The following PPP1R9A variants were observed in gnomAD, a reference collection of about 807,000 sequenced individuals.
The protein encoded by PPP1R9A is protein phosphatase 1 regulatory subunit 9A.
PPP1R9A carries 59 observed loss-of-function variants against 141.9 expected under a neutral mutation model. That is an observed-to-expected ratio of 0.42 (90% confidence interval 0.34 to 0.52). The LOEUF (loss-of-function observed/expected upper bound fraction) is 0.52. Ranked by LOEUF, PPP1R9A falls within the 20% of genes least tolerant of loss-of-function variation. PPP1R9A has a pLI of 0.10. For synonymous variants in PPP1R9A, 500 were observed against 569.7 expected, an observed-to-expected ratio of 0.88 and a Z score of 1.74; for missense variants, 1,444 against 1,611.9, an observed-to-expected ratio of 0.90 and a Z score of 1.78.
At chr7:95,034,653 G>C (rs79087201) in intron 2 of PPP1R9A, among the ~76,000 whole-genome samples, 1 of 152,010 alleles carries the variant, frequency 6.6e-6, no homozygotes, top group Admixed American at 6.6e-5. Context: ...ACACCCGGTC[G>C]TATTTTGTCC....
intron 5 of PPP1R9A, among the ~76,000 whole-genome samples, chr7:95,186,973 T>G (rs1396138332): frequency 2.6e-5 from 4 of 152,114 alleles, no homozygotes; most frequent in Admixed American, 6.6e-5. Context: ...GTAGTTTTCT[T>G]TTTTTGTTCT....
chr7:95,039,908 G>T (rs1213005938), intron 2 of PPP1R9A, among the ~76,000 whole-genome samples: 5 of 152,080 alleles, frequency 3.3e-5, no homozygotes, highest in African/African-American at 1.2e-4. Context: ...AACACAGGAA[G>T]CTCAGAGAAT....
intron 2 of PPP1R9A, among the ~76,000 whole-genome samples, chr7:95,080,265 A>C (rs1707781440): frequency 6.6e-6 from 1 of 152,168 alleles, no homozygotes; most frequent in South Asian, 2.1e-4. Context: ...ATCAATGTGC[A>C]AAAATCACAA....
chr7:95,224,501 A>G (rs1194172235), intron 7 of PPP1R9A, among the ~76,000 whole-genome samples: 1 of 152,144 alleles, frequency 6.6e-6, no homozygotes, highest in African/African-American at 2.4e-5. Context: ...GTCTACTTTC[A>G]GGCTCTGCAA....
chr7:95,287,835 G>A (rs553177708), intron 18 of PPP1R9A, among the ~76,000 whole-genome samples: 10 of 152,120 alleles, frequency 6.6e-5, no homozygotes, highest in African/African-American at 2.4e-4. Flanking sequence ...ACAGGCATGC[G>A]CCACCACCAC....
At chr7:94,985,455 T>C (rs1045525162) in intron 2 of PPP1R9A, among the ~76,000 whole-genome samples, 77 of 152,204 alleles carry the variant, frequency 5.1e-4, no homozygotes, top group African/African-American at 1.7e-3. Flanking sequence ...TGTGTGGGAG[T>C]GTAAGTCTCT....
chr7:94,940,301 T>C (rs1454528470), intron 2 of PPP1R9A, among the ~76,000 whole-genome samples: 1 of 152,082 alleles, frequency 6.6e-6, no homozygotes, highest in Non-Finnish European at 1.5e-5. Flanking sequence ...CTCATATTTT[T>C]TTTCCATTTA....
chr7:95,057,712 T>A (rs924266627), intron 2 of PPP1R9A, among the ~76,000 whole-genome samples: 22 of 152,286 alleles, frequency 1.4e-4, no homozygotes, highest in African/African-American at 5.3e-4. Context: ...TCATTTTTAT[T>A]CCTTGCACTT....
intron 2 of PPP1R9A, among the ~76,000 whole-genome samples, chr7:95,039,977 G>C (rs1395990318): frequency 6.6e-6 from 1 of 152,106 alleles, no homozygotes; most frequent in Admixed American, 6.6e-5. Context: ...CCACACCTGA[G>C]CACATCATAT....
intron 4 of PPP1R9A, among the ~76,000 whole-genome samples, chr7:95,141,561 CT>C (rs1225677878): frequency 1.3e-5 from 2 of 152,066 alleles, no homozygotes; most frequent in East Asian, 3.9e-4. Context: ...CACAAATCTA[CT>C]TTCTGTCTCT....
chr7:95,184,598 G>T (rs2152807700), intron 5 of PPP1R9A, among the ~76,000 whole-genome samples: 1 of 152,240 alleles, frequency 6.6e-6, no homozygotes, highest in African/African-American at 2.4e-5. Context: ...CCAATGTGTA[G>T]TCTGTTATCC....
chr7:95,048,735 C>T (rs556086427), intron 2 of PPP1R9A, among the ~76,000 whole-genome samples: 30 of 151,956 alleles, frequency 2.0e-4, no homozygotes, highest in African/African-American at 7.2e-4. Flanking sequence ...TTAGTAGAAA[C>T]GGGGTTTCAC....
At chr7:95,069,319 G>A (rs1369324794) in intron 2 of PPP1R9A, among the ~76,000 whole-genome samples, 1 of 152,054 alleles carries the variant, frequency 6.6e-6, no homozygotes, top group Non-Finnish European at 1.5e-5. Flanking sequence ...AAACCTAAGT[G>A]TTTGGCTTTT....
chr7:95,179,170 C>T (rs1833343797), intron 5 of PPP1R9A, among the ~76,000 whole-genome samples: 1 of 152,104 alleles, frequency 6.6e-6, no homozygotes, highest in Non-Finnish European at 1.5e-5. Flanking sequence ...AAAAGCCAAT[C>T]CACCATGATC....
At chr7:95,208,802 C>A (rs1470604510) in intron 7 of PPP1R9A, among the ~76,000 whole-genome samples, 1 of 151,888 alleles carries the variant, frequency 6.6e-6, no homozygotes, top group African/African-American at 2.4e-5. Context: ...AACTTAACTT[C>A]TGTTCATCGA....
Position 95,286,208 on chromosome 7 carries a change from T to C in PPP1R9A, c.3612T>C (p.Asn1204=), listed in dbSNP as rs748871435. The change falls in exon 18 of 20, where the codon AAT becomes AAC. Residue 1204 remains asparagine, a splice_region_variant and synonymous_variant. Transcript: ENST00000433360. ...MSVVWIQETN[N]FTFNDDFSPS... ...CTGAGCTTCATTTATTTTTACAGAA[T>C]TTTACCTTCAATGATGACTTCAGTC... 8 of 1,612,934 alleles carry C rather than the reference T, an allele frequency of 5.0e-6. No homozygotes were observed. The highest frequency in any genetic ancestry group is 6.8e-6 in the Non-Finnish European group (8 of 1,179,178).
At chr7:94,956,881 G>C (rs1165420416) in intron 2 of PPP1R9A, among the ~76,000 whole-genome samples, 2 of 152,078 alleles carry the variant, frequency 1.3e-5, no homozygotes, top group Non-Finnish European at 2.9e-5. Flanking sequence ...TTTGGATTCC[G>C]AATTTTCATT....
intron 5 of PPP1R9A, among the ~76,000 whole-genome samples, chr7:95,179,503 A>G (rs1833399373): frequency 6.6e-6 from 1 of 152,132 alleles, no homozygotes; most frequent in East Asian, 1.9e-4. Context: ...CCTTCAACAT[A>G]GTACTGGAAG....
At chr7:95,098,032 C>G (rs185455079) in intron 2 of PPP1R9A, among the ~76,000 whole-genome samples, 1 of 152,352 alleles carries the variant, frequency 6.6e-6, no homozygotes, top group Admixed American at 6.5e-5. Flanking sequence ...AACTTCAGCT[C>G]TGCTCTTCAG....
Sources: gnomAD v4.1 joint callset for allele counts (sites outside exome capture counted in the v4.1 genomes callset) on GRCh38, gnomAD v4.1.1 for gene constraint, MANE v1.5 for transcripts, NCBI Gene and HGNC (gene_info 2026-07-23, HGNC 2026-07-21) for gene names.